PPM1B: variants seen among roughly 807,000 people sequenced by gnomAD.
PPM1B encodes protein phosphatase, Mg2+/Mn2+ dependent 1B.
A neutral mutation model predicts 43.0 loss-of-function variants in PPM1B; 22 were observed. The ratio of observed to expected loss-of-function variants is 0.51; its 90% CI spans 0.37 to 0.73. PPM1B has a LOEUF of 0.73. Among genes scored for constraint, PPM1B ranks in the 30% least tolerant of loss-of-function variants. The pLI, the probability that PPM1B is intolerant of heterozygous loss-of-function variation, is 0.00. For synonymous variants in PPM1B, 217 were observed against 197.9 expected, an observed-to-expected ratio of 1.10 and a Z score of -0.81; for missense variants, 632 against 584.2, an observed-to-expected ratio of 1.08 and a Z score of -0.84.
chr2:44,228,212 G>A (rs1670309866), intron 5 of PPM1B, among the ~76,000 whole-genome samples: 1 of 131,778 alleles, frequency 7.6e-6, no homozygotes, highest in Non-Finnish European at 1.6e-5. Context: ...TTTTTTAAGA[G>A]GGTCTCACTC....
intron 1 of PPM1B, among the ~76,000 whole-genome samples, chr2:44,172,915 A>T (rs958512813): frequency 6.6e-6 from 1 of 152,224 alleles, no homozygotes; most frequent in African/African-American, 2.4e-5. Flanking sequence ...TCTATTTTTT[A>T]AAAAATTCTG....
intron 1 of PPM1B, among the ~76,000 whole-genome samples, chr2:44,186,091 TATGTTCTGTAAGGTCCTGGA>T (rs1668104894): frequency 6.6e-6 from 1 of 152,180 alleles, no homozygotes; most frequent in Admixed American, 6.5e-5. Flanking sequence ...TGTGAATGAG[TATGTTCTGTAAGGTCCTGGA>T]ATGGTGTTAT....
chr2:44,175,315 A>G (rs1667530903), intron 1 of PPM1B, among the ~76,000 whole-genome samples: 1 of 152,148 alleles, frequency 6.6e-6, no homozygotes, highest in South Asian at 2.1e-4. Flanking sequence ...TGTTAAGATT[A>G]TATAGGAGAT....
At chr2:44,204,164 A>G (rs1669063761) in intron 2 of PPM1B, among the ~76,000 whole-genome samples, 1 of 152,210 alleles carries the variant, frequency 6.6e-6, no homozygotes, top group Non-Finnish European at 1.5e-5. Context: ...AACAAAACAG[A>G]CTTAAAATTA....
At chr2:44,222,414 A>G (rs1384781711) in intron 5 of PPM1B, among the ~76,000 whole-genome samples, 2 of 152,216 alleles carry the variant, frequency 1.3e-5, no homozygotes, top group Admixed American at 6.5e-5. Context: ...TTTCATGCAA[A>G]AAGTTCTTCC....
rs1326147461 is a variant in PPM1B, at chr2:44,231,362, G to C, written c.*644G>C. On this transcript the variant is annotated 3_prime_UTR_variant, in exon 6 of 6. Coordinates refer to ENST00000282412, the MANE Select transcript of PPM1B (RefSeq NM_002706.6). ...TGTATTATTCATACAGCTTTGGTTT[G>C]TATATTCTGTATAGCCTAACTACAC... is the stretch of plus-strand genomic sequence containing the variant. The C allele has an allele frequency of 2.1e-6, 2 of 973,872 alleles. No individual in the cohort carries two copies. The highest frequency in any genetic ancestry group is 1.8e-5 in the African/African-American group (1 of 56,872). The allele number at this position is 973,872 out of a possible 1,614,324, so 60.3% of individuals were successfully genotyped here.
chr2:44,194,610 C>T (rs1445638312), intron 1 of PPM1B, among the ~76,000 whole-genome samples: 1 of 152,058 alleles, frequency 6.6e-6, no homozygotes, highest in Non-Finnish European at 1.5e-5. Context: ...GTAGTCCCAG[C>T]TACTTGGGAG....
intron 1 of PPM1B, among the ~76,000 whole-genome samples, chr2:44,184,303 T>G (rs549634048): frequency 7.9e-5 from 12 of 152,164 alleles, no homozygotes; most frequent in Non-Finnish European, 1.5e-4. Flanking sequence ...TATCACTTCC[T>G]CCTCTGTAAG....
intron 1 of PPM1B, among the ~76,000 whole-genome samples, chr2:44,177,098 A>G (rs1209484758): frequency 1.3e-5 from 2 of 152,138 alleles, no homozygotes; most frequent in Admixed American, 6.5e-5. Flanking sequence ...TTTTTAATGT[A>G]TTTTTGTAAT....
intron 5 of PPM1B, among the ~76,000 whole-genome samples, chr2:44,227,741 A>T (rs1276673898): frequency 1.3e-5 from 2 of 151,544 alleles, no homozygotes; most frequent in Admixed American, 6.6e-5. Flanking sequence ...GCTGATCTCG[A>T]ACTGCTGACC....
chr2:44,170,251 A>T (rs969553036), intron 1 of PPM1B, among the ~76,000 whole-genome samples: 2 of 152,192 alleles, frequency 1.3e-5, no homozygotes, highest in Admixed American at 6.5e-5. Flanking sequence ...CAACTTGAAA[A>T]CTTTTTTAAA....
intron 1 of PPM1B, among the ~76,000 whole-genome samples, chr2:44,187,061 A>G (rs57184508): frequency 0.04 from 6,026 of 152,292 alleles, 389 homozygotes; most frequent in African/African-American, 0.14. Context: ...CTGAAACTCT[A>G]TGCCCATTAA....
intron 1 of PPM1B, among the ~76,000 whole-genome samples, chr2:44,181,143 G>A (rs6734443): frequency 9.2e-5 from 14 of 152,106 alleles, no homozygotes; most frequent in Middle Eastern, 3.4e-3. Flanking sequence ...CAGAGTCTCA[G>A]TATGTTGCCC....
chr2:44,243,930 G>C (rs1185173901), intron 5 of PPM1B, among the ~76,000 whole-genome samples: 1 of 151,696 alleles, frequency 6.6e-6, no homozygotes, highest in Non-Finnish European at 1.5e-5. Flanking sequence ...GGGGTCATTG[G>C]TATCTTTAGC....
rs184588395 is a variant in PPM1B, at chr2:44,178,501, C to G, written c.-15+9227C>G. Reference sequence around the variant, plus strand: ...TTTTTTTTTTAGACAGAGTTTCGCTCTTGTCACCCAGGCTGGAGTGCAATG... The same window carrying G: ...TTTTTTTTTTAGACAGAGTTTCGCTGTTGTCACCCAGGCTGGAGTGCAATG... On this transcript the variant is annotated intron_variant, in intron 1 of 5. Coordinates refer to ENST00000282412, the MANE Select transcript of PPM1B (RefSeq NM_002706.6). Among the ~76,000 whole-genome samples the G allele has an allele frequency of 7.0e-3, 1,018 of 146,310 alleles. 4 individuals carry two copies. Among genetic ancestry groups the G allele is most frequent in the South Asian group, 0.022 (105 of 4,672 alleles).
chr2:44,243,699 G>C (rs1203226757), intron 5 of PPM1B, among the ~76,000 whole-genome samples: 5 of 151,710 alleles, frequency 3.3e-5, no homozygotes, highest in Non-Finnish European at 5.9e-5. Context: ...CTATTTTATC[G>C]TTTTGTGTTG....
chr2:44,179,865 C>G (rs1421857307), intron 1 of PPM1B, among the ~76,000 whole-genome samples: 2 of 151,848 alleles, frequency 1.3e-5, no homozygotes, highest in Non-Finnish European at 2.9e-5. Flanking sequence ...AAAAATTAGC[C>G]AGGTGTGGTG....
chr2:44,218,600 A>G (rs911945461), intron 5 of PPM1B, 63 bp downstream of exon 5: 43 of 1,091,286 alleles, frequency 3.9e-5, no homozygotes, highest in Non-Finnish European at 5.3e-5. Flanking sequence ...CTAAATATGA[A>G]TACATTCACA....
At chr2:44,223,303 G>A (rs965532198) in intron 5 of PPM1B, among the ~76,000 whole-genome samples, 1 of 152,076 alleles carries the variant, frequency 6.6e-6, no homozygotes, top group African/African-American at 2.4e-5. Flanking sequence ...GGATAGATTA[G>A]TCTCTTTTTG....
Sources: gnomAD v4.1 joint callset for allele counts (sites outside exome capture counted in the v4.1 genomes callset) on GRCh38, gnomAD v4.1.1 for gene constraint, MANE v1.5 for transcripts, NCBI Gene and HGNC (gene_info 2026-07-23, HGNC 2026-07-21) for gene names.